Variants in SMAD9 observed in about 807,000 individuals in gnomAD.
SMAD9 encodes the protein MAD homolog 9.
Under a neutral mutation model 46.1 loss-of-function variants are expected in SMAD9, and 36 were observed. The observed-to-expected ratio is 0.78, with a 90% CI of 0.60 to 1.03. The LOEUF (loss-of-function observed/expected upper bound fraction) is 1.03, where lower values mean the gene tolerates loss of function less well. Ranked by LOEUF, SMAD9 falls within the 50% of genes least tolerant of loss-of-function variation. The pLI is 0.00. For missense variants in SMAD9, 572 were observed against 599.8 expected (o/e 0.95, Z 0.48); for synonymous variants, 245 against 237.1 (o/e 1.03, Z -0.31).
chr13:36,912,572 A>G (rs2058670144), intron 1 of SMAD9, among the ~76,000 whole-genome samples: 1 of 152,178 alleles, frequency 6.6e-6, no homozygotes, highest in South Asian at 2.1e-4. Context: ...CTATAGGACC[A>G]GCCATGCAAA....
intron 5 of SMAD9, among the ~76,000 whole-genome samples, chr13:36,859,782 G>A (rs1191848521): frequency 1.3e-5 from 2 of 152,086 alleles, no homozygotes; most frequent in African/African-American, 2.4e-5. Context: ...GCAATGTGGA[G>A]AAACCCCATC....
At chr13:36,888,984 TTATATCAAC>T (rs2058469588) in intron 1 of SMAD9, among the ~76,000 whole-genome samples, 1 of 152,076 alleles carries the variant, frequency 6.6e-6, no homozygotes, top group Admixed American at 6.6e-5. Context: ...AGTTTGCATT[TTATATCAAC>T]TGAAAAATGC....
chr13:36,917,950 C>A (rs868589271), intron 1 of SMAD9, among the ~76,000 whole-genome samples: 4 of 151,862 alleles, frequency 2.6e-5, no homozygotes, highest in Non-Finnish European at 5.9e-5. Flanking sequence ...GAAACAATTT[C>A]TGGACAGACT....
intron 1 of SMAD9, among the ~76,000 whole-genome samples, 182 bp downstream of exon 1, chr13:36,919,934 G>A (rs980960906): frequency 1.3e-5 from 2 of 150,906 alleles, no homozygotes; most frequent in African/African-American, 4.9e-5. Flanking sequence ...CCCCGAGGAC[G>A]AACAACTTCG....
At chr13:36,849,753 G>T (rs1437008451) in intron 6 of SMAD9, 1 of 152,046 alleles carries the variant, frequency 6.6e-6, no homozygotes, top group East Asian at 1.9e-4. Flanking sequence ...CACATACTTG[G>T]CCTTTCTACC....
At chr13:36,913,391 C>T (rs2058676013) in intron 1 of SMAD9, among the ~76,000 whole-genome samples, 1 of 152,142 alleles carries the variant, frequency 6.6e-6, no homozygotes, top group African/African-American at 2.4e-5. Context: ...ACACAATAGA[C>T]ACAGAGTAAA....
intron 1 of SMAD9, among the ~76,000 whole-genome samples, chr13:36,899,226 G>A (rs191553260): frequency 2.1e-3 from 319 of 152,292 alleles, no homozygotes; most frequent in African/African-American, 7.3e-3. Flanking sequence ...AGGTGGGGCG[G>A]TGGAGGGAGA....
In SMAD9 at chr13:36,894,751, GC is replaced by G. The variant is rs555889463; in HGVS notation, c.-186-14877del. 3.9e-4 allele frequency among the ~76,000 whole-genome samples: 59 copies of G among 152,184 alleles called. 1 individual carries two copies. In the South Asian group the frequency reaches 8.5e-3, roughly 22 times the overall value. Reference sequence around the variant, plus strand: ...TGTCACTTATCCTGTGTGGCATCATGCTGATTGAGGTCCCAGTGGAGAACCC... The same window carrying G: ...TGTCACTTATCCTGTGTGGCATCATGTGATTGAGGTCCCAGTGGAGAACCC... On this transcript the variant is annotated intron_variant, in intron 1 of 6. Transcript: ENST00000379826.
chr13:36,857,874 G>A (rs896353650), intron 5 of SMAD9, among the ~76,000 whole-genome samples: 78 of 152,228 alleles, frequency 5.1e-4, no homozygotes, highest in African/African-American at 1.6e-3. Context: ...CTCCTCTCGA[G>A]TTTGTAATTA....
At chr13:36,903,021 A>G (rs973718785) in intron 1 of SMAD9, among the ~76,000 whole-genome samples, 3 of 152,004 alleles carry the variant, frequency 2.0e-5, no homozygotes, top group Non-Finnish European at 4.4e-5. Flanking sequence ...AGAAAATACC[A>G]TGGCTAAGTA....
intron 1 of SMAD9, among the ~76,000 whole-genome samples, chr13:36,902,369 T>C (rs1461460020): frequency 6.6e-6 from 1 of 152,242 alleles, no homozygotes; most frequent in Admixed American, 6.5e-5. Flanking sequence ...TCTATGTCTA[T>C]TCTTACATCA....
chr13:36,890,899 C>T (rs2058484233), intron 1 of SMAD9, among the ~76,000 whole-genome samples: 1 of 151,922 alleles, frequency 6.6e-6, no homozygotes. Flanking sequence ...AGAGCAGGAA[C>T]AGTGCATCAC....
chr13:36,872,533 G>C, intron 3 of SMAD9, 125 bp downstream of exon 3: 1 of 1,132,898 alleles, frequency 8.8e-7, no homozygotes, highest in South Asian at 1.3e-5. Flanking sequence ...AAGGCTGATT[G>C]CTTTGTAAAC....
At chr13:36,915,625 C>A (rs918531883) in intron 1 of SMAD9, among the ~76,000 whole-genome samples, 3 of 152,044 alleles carry the variant, frequency 2.0e-5, no homozygotes, top group African/African-American at 4.8e-5. Context: ...AGGAAAAAAT[C>A]AGAACTACAT....
chr13:36,846,956 G>T lies in SMAD9; in HGVS notation c.*1720C>A, dbSNP rs1027237592. On this transcript the variant is annotated 3_prime_UTR_variant, in exon 7 of 7. Coordinates refer to ENST00000379826, the MANE Select transcript of SMAD9 (RefSeq NM_001127217.3). ...ATTTGATTCTACAGTACCTAACATTGTACCTGACACCCATAGGTAGGTGCA... is the reference window on the plus strand; with the variant it reads ...ATTTGATTCTACAGTACCTAACATTTTACCTGACACCCATAGGTAGGTGCA... 18 of 152,112 alleles carry T rather than the reference G, an allele frequency of 1.2e-4. 1 individual carries two copies. Among genetic ancestry groups the T allele is most frequent in the Admixed American group, 3.3e-4 (5 of 15,286 alleles). 9.4% of individuals were successfully genotyped at this position (152,112 alleles called of 1,614,324 possible).
intron 1 of SMAD9, among the ~76,000 whole-genome samples, chr13:36,911,527 T>C (rs1278990538): frequency 6.6e-6 from 1 of 151,258 alleles, no homozygotes; most frequent in Non-Finnish European, 1.5e-5. Flanking sequence ...ATCTGTTTAA[T>C]ATATATATTT....
At chr13:36,866,571 T>C (rs664597) in intron 4 of SMAD9, among the ~76,000 whole-genome samples, 108,305 of 152,024 alleles carry the variant, frequency 0.71, 39,126 homozygotes, top group Non-Finnish European at 0.78. Context: ...CCTATATGCA[T>C]TAAATATAAA....
At chr13:36,858,040 G>C (rs1286512520) in intron 5 of SMAD9, among the ~76,000 whole-genome samples, 2 of 152,054 alleles carry the variant, frequency 1.3e-5, no homozygotes, top group African/African-American at 4.8e-5. Flanking sequence ...CATGAGATTT[G>C]CTCTAAAATA....
chr13:36,891,969 G>A (rs554570529), intron 1 of SMAD9, among the ~76,000 whole-genome samples: 1 of 152,158 alleles, frequency 6.6e-6, no homozygotes. Context: ...ATCTGTCCTG[G>A]AGTAAGGGTG....
Sources: allele counts gnomAD v4.1 joint callset (sites outside exome capture counted in the v4.1 genomes callset), GRCh38; gene constraint gnomAD v4.1.1; transcripts MANE v1.5; gene names NCBI Gene and HGNC (gene_info 2026-07-23, HGNC 2026-07-21).